Variants in ADAMTSL3 observed in about 807,000 individuals in gnomAD.
The protein encoded by ADAMTSL3 is ADAMTS like 3.
Under a neutral mutation model 201.7 loss-of-function variants are expected in ADAMTSL3, and 128 were observed. The ratio of observed to expected loss-of-function variants is 0.63; its 90% CI spans 0.55 to 0.73. The LOEUF is 0.73. Among genes scored for constraint, ADAMTSL3 ranks in the 30% least tolerant of loss-of-function variants. ADAMTSL3 has a pLI of 0.00. For missense variants in ADAMTSL3, 1,990 were observed against 2,119.6 expected (o/e 0.94, Z 1.20); for synonymous variants, 738 against 748.4 (o/e 0.99, Z 0.23).
intron 20 of ADAMTSL3, among the ~76,000 whole-genome samples, chr15:83,980,054 G>T (rs2067357951): frequency 6.6e-6 from 1 of 152,142 alleles, no homozygotes. Flanking sequence ...ACAATAACAG[G>T]TGATTCTAAC....
At chr15:83,762,611 T>C (rs921733482) in intron 3 of ADAMTSL3, among the ~76,000 whole-genome samples, 1 of 152,016 alleles carries the variant, frequency 6.6e-6, no homozygotes, top group Non-Finnish European at 1.5e-5. Flanking sequence ...GGGAACTAAC[T>C]CTCTCAAGCT....
intron 8 of ADAMTSL3, among the ~76,000 whole-genome samples, chr15:83,866,014 C>A (rs1422078052): frequency 2.0e-5 from 3 of 152,202 alleles, no homozygotes; most frequent in African/African-American, 4.8e-5. Flanking sequence ...AAAAAATGCT[C>A]ATCATCATTG....
rs1208811525 is a variant in ADAMTSL3 at position 83,892,774 on chromosome 15, T to C, written c.1353T>C (p.His451=). 4 of 1,614,070 alleles carry C rather than the reference T, an allele frequency of 2.5e-6. No homozygotes were observed. Among genetic ancestry groups the C allele is most frequent in the East Asian group, 2.2e-5 (1 of 44,876 alleles). The change falls in exon 13 of 30, where the codon CAT becomes CAC. Residue 451 remains histidine, a synonymous_variant. Transcript: ENST00000286744. ...TTGTGTGTGTAGAGGAATCCATGCA[T>C]GGAGAGATATTGCAGGTGGAAGAAT... is the stretch of plus-strand genomic sequence containing the variant. ...RSFVCVEESM[H]GEILQVEEWK...
chr15:83,980,717 TA>T (rs1317284956), intron 20 of ADAMTSL3, among the ~76,000 whole-genome samples: 1 of 152,194 alleles, frequency 6.6e-6, no homozygotes, highest in African/African-American at 2.4e-5. Flanking sequence ...ACAAACAAAT[TA>T]TGTATGTCCT....
intron 7 of ADAMTSL3, among the ~76,000 whole-genome samples, chr15:83,854,742 T>TA (rs1299603502): frequency 6.6e-6 from 1 of 152,310 alleles, no homozygotes; most frequent in South Asian, 2.1e-4. Context: ...CTTCTGTTTT[T>TA]AAAAAAAGGT....
At chr15:83,777,259 G>A (rs1026122559) in intron 4 of ADAMTSL3, among the ~76,000 whole-genome samples, 10 of 152,234 alleles carry the variant, frequency 6.6e-5, no homozygotes, top group African/African-American at 2.4e-4. Context: ...GCACCTGGTA[G>A]CACTCCACCG....
At chr15:83,681,802 G>T (rs2061479491) in intron 2 of ADAMTSL3, among the ~76,000 whole-genome samples, 1 of 152,096 alleles carries the variant, frequency 6.6e-6, no homozygotes, top group South Asian at 2.1e-4. Flanking sequence ...TCTCCCCTGT[G>T]CCCTGTCATG....
chr15:83,744,682 A>C (rs2062514928), intron 3 of ADAMTSL3, among the ~76,000 whole-genome samples: 1 of 152,160 alleles, frequency 6.6e-6, no homozygotes, highest in South Asian at 2.1e-4. Context: ...TGTACCGTAG[A>C]GCTCTTGAAT....
intron 17 of ADAMTSL3, among the ~76,000 whole-genome samples, chr15:83,929,680 CCA>C (rs147998074): frequency 1.4e-4 from 20 of 147,506 alleles, no homozygotes; most frequent in East Asian, 8.1e-4. Context: ...GTCACCTCTA[CCA>C]CACACACACA....
At chr15:83,747,261 A>G (rs1414732963) in intron 3 of ADAMTSL3, among the ~76,000 whole-genome samples, 1 of 152,140 alleles carries the variant, frequency 6.6e-6, no homozygotes, top group African/African-American at 2.4e-5. Flanking sequence ...CTAATCCCAC[A>G]CTTGCATCCT....
At chr15:83,979,220 A>G (rs996257068) in intron 20 of ADAMTSL3, among the ~76,000 whole-genome samples, 5 of 152,158 alleles carry the variant, frequency 3.3e-5, no homozygotes, top group Non-Finnish European at 5.9e-5. Flanking sequence ...CCTTGAAACA[A>G]TCGATCTCCA....
At chr15:83,887,177 C>G (rs2065410795) in intron 10 of ADAMTSL3, among the ~76,000 whole-genome samples, 1 of 152,194 alleles carries the variant, frequency 6.6e-6, no homozygotes, top group South Asian at 2.1e-4. Context: ...GGTACACACT[C>G]CACTTTGAGA....
At chr15:84,013,615 A>C (rs2141891504) in intron 23 of ADAMTSL3, among the ~76,000 whole-genome samples, 1 of 152,244 alleles carries the variant, frequency 6.6e-6, no homozygotes, top group East Asian at 1.9e-4. Flanking sequence ...CTTTACAAAA[A>C]TTACAAAAAT....
chr15:83,944,752 C>T (rs2066623887), intron 19 of ADAMTSL3, among the ~76,000 whole-genome samples: 1 of 152,188 alleles, frequency 6.6e-6, no homozygotes, highest in Admixed American at 6.5e-5. Context: ...GGTACCCCAG[C>T]TCTAAAGCCT....
At chr15:83,668,361 A>G (rs1217534864) in intron 2 of ADAMTSL3, among the ~76,000 whole-genome samples, 1 of 151,984 alleles carries the variant, frequency 6.6e-6, no homozygotes, top group Admixed American at 6.6e-5. Flanking sequence ...ATTACTGAAG[A>G]GAAGTCTGTG....
At chr15:83,805,972 G>T (rs2063597075) in intron 5 of ADAMTSL3, among the ~76,000 whole-genome samples, 1 of 152,188 alleles carries the variant, frequency 6.6e-6, no homozygotes, top group South Asian at 2.1e-4. Flanking sequence ...CAGTTTGGGG[G>T]AGCTGCCTGG....
intron 3 of ADAMTSL3, among the ~76,000 whole-genome samples, chr15:83,766,221 C>T (rs2062887370): frequency 6.6e-6 from 1 of 152,194 alleles, no homozygotes; most frequent in Admixed American, 6.5e-5. Context: ...GCCATTGCCT[C>T]ACCACAGCCC....
At chr15:83,673,213 G>A (rs930192915) in intron 2 of ADAMTSL3, among the ~76,000 whole-genome samples, 39 of 152,352 alleles carry the variant, frequency 2.6e-4, no homozygotes, top group African/African-American at 7.9e-4. Flanking sequence ...TTAGCAGTGC[G>A]CTTAGCAACC....
At chr15:83,758,366 C>G (rs1385462426) in intron 3 of ADAMTSL3, among the ~76,000 whole-genome samples, 1 of 152,182 alleles carries the variant, frequency 6.6e-6, no homozygotes, top group Non-Finnish European at 1.5e-5. Context: ...CTTTATAAAA[C>G]TGTCGGATGT....
Sources: allele counts gnomAD v4.1 joint callset (sites outside exome capture counted in the v4.1 genomes callset), GRCh38; gene constraint gnomAD v4.1.1; transcripts MANE v1.5; gene names NCBI Gene and HGNC (gene_info 2026-07-23, HGNC 2026-07-21).